The following CUL7 variants were observed in gnomAD, a reference collection of about 807,000 sequenced individuals.
The protein encoded by CUL7 is cullin-7.
A neutral mutation model predicts 177.7 loss-of-function variants in CUL7; 96 were observed. The ratio of observed to expected loss-of-function variants is 0.54; its 90% CI spans 0.46 to 0.64. CUL7 has a LOEUF of 0.64. Among genes scored for constraint, CUL7 ranks in the 30% least tolerant of loss-of-function variants. CUL7 has a pLI of 0.00. For missense variants in CUL7, 1,893 were observed against 2,187.9 expected (o/e 0.87, Z 2.69); for synonymous variants, 824 against 890.2 (o/e 0.93, Z 1.32).
At position 43,045,770 on chromosome 6, in the gene CUL7, TC is replaced by T; in HGVS notation, c.2767-89del. On this transcript the variant is annotated intron_variant, in intron 13 of 25. Coordinates refer to ENST00000265348, the MANE Select transcript of CUL7 (RefSeq NM_014780.5). This position sits in a 1 kb window ranked among gnomAD's most constrained non-coding sequence, Gnocchi z 4.8. ...CAGTCCCCTCACTGTTTCCCTCCCT[TC>T]CCCAGCCCTGGGATGTGTAGGGTCC... The T allele has an allele frequency of 7.0e-7, 1 of 1,438,742 alleles. No homozygotes were observed. 89.1% of individuals were successfully genotyped at this position (1,438,742 alleles called of 1,614,324 possible).
At chr6:43,047,222 G>A (rs1449524496) in intron 9 of CUL7, 115 bp from the exon 10 acceptor site, 27 of 723,804 alleles carry the variant, frequency 3.7e-5, no homozygotes, top group Non-Finnish European at 5.9e-5. Context: ...GGGTGCTACA[G>A]TGAGCAAGGC....
rs1490624618 is a variant in CUL7, at chr6:43,052,658, A to AT, written c.130dup (p.Ile44AsnfsTer7). 6.2e-7 allele frequency: 1 copy of AT among 1,614,062 alleles called. No individual in the cohort carries two copies. Among genetic ancestry groups the AT allele is most frequent in the African/African-American group, 1.3e-5 (1 of 74,928 alleles). ...GTCCCCCTCATCGCCACGCCGCAGG[A>AT]TGAGCCAACGGATCTGGTACTCAGG... On this transcript the variant is annotated frameshift_variant, in exon 2 of 26. Transcript: ENST00000265348. LOFTEE classifies it high-confidence loss of function. This position sits in a 1 kb window ranked among gnomAD's most constrained non-coding sequence, Gnocchi z 4.5.
rs200634785 is a variant in CUL7 at position 43,050,038 on chromosome 6, G to A, written c.1494C>T (p.Leu498=). 14 of 1,614,192 alleles carry A rather than the reference G, an allele frequency of 8.7e-6. No homozygotes were observed. In the East Asian group the frequency reaches 2.9e-4, roughly 33 times the overall value. The change falls in exon 6 of 26, where the codon CTC becomes CTT. Residue 498 remains leucine, a synonymous_variant. Coordinates refer to ENST00000265348, the MANE Select transcript of CUL7 (RefSeq NM_014780.5). The surrounding 1 kb of genome is among the most constrained non-coding windows in gnomAD (Gnocchi z 4.1). The stretch of plus-strand genomic sequence containing the variant: ...GTCCATCCAGCTTCTTGATGAAGAA[G>A]AGGAGTTCCCACCACTCAGCCAGGG... ...HLTLAEWWEL[L]FFIKKLDGPD... is the part of the protein sequence containing the mutation.
In CUL7 at chr6:43,042,854, T is replaced by C; in HGVS notation, c.3593A>G (p.Gln1198Arg). The change falls in exon 19 of 26, where the codon CAA (glutamine) becomes CGA (arginine). Residue 1198 changes from glutamine (Q) to arginine (R), a missense_variant. Physicochemically the swap from Gln to Arg is conservative, Grantham distance 43. Transcript: ENST00000265348. Reference protein sequence around the residue: ...GPRAAFLLALQNGCAGALLKL... With the variant: ...GPRAAFLLALRNGCAGALLKL... ...CAGCAAGGCTCCCGCACAGCCATTTTGCAGCGCCAGCAAGAAGGCTGCCCG... is the reference window on the plus strand; with the variant it reads ...CAGCAAGGCTCCCGCACAGCCATTTCGCAGCGCCAGCAAGAAGGCTGCCCG... The C allele has an allele frequency of 6.2e-7, 1 of 1,613,996 alleles. No individual in the cohort carries two copies. The highest frequency in any genetic ancestry group is 8.5e-7 in the Non-Finnish European group (1 of 1,179,908).
rs1404895748 is a variant in CUL7 at position 43,040,458 on chromosome 6, G to A, written c.4024-32C>T. On this transcript the variant is annotated intron_variant, in intron 21 of 25. Coordinates refer to ENST00000265348, the MANE Select transcript of CUL7 (RefSeq NM_014780.5). The surrounding 1 kb of genome is among the most constrained non-coding windows in gnomAD (Gnocchi z 4.2). The stretch of plus-strand genomic sequence containing the variant: ...GAGCACAGGGTTCCCAGATGCCATG[G>A]CCTCCTCCAGTCTGCTCCACGCCCC... 1 of 1,612,066 alleles carries A rather than the reference G, an allele frequency of 6.2e-7. No individual in the cohort carries two copies. The highest frequency in any genetic ancestry group is 8.5e-7 in the Non-Finnish European group (1 of 1,179,994).
rs1266161067 is a variant in CUL7 at position 43,052,434 on chromosome 6, G to T, written c.355C>A (p.Gln119Lys). 25 of 1,613,994 alleles carry T rather than the reference G, an allele frequency of 1.5e-5. No homozygotes were observed. Among genetic ancestry groups the T allele is most frequent in the Non-Finnish European group, 2.0e-5 (24 of 1,179,944 alleles). The change falls in exon 2 of 26, where the codon CAG (glutamine) becomes AAG (lysine). Residue 119 changes from glutamine to lysine, a missense_variant. Physicochemically the swap from Gln to Lys is moderately conservative, Grantham distance 53. Around this residue, in one of 5 missense-constraint regions of CUL7, gnomAD observed 653 missense variants for 725.2 expected, o/e 0.90. Transcript: ENST00000265348. This position sits in a 1 kb window ranked among gnomAD's most constrained non-coding sequence, Gnocchi z 4.5. The stretch of plus-strand genomic sequence containing the variant: ...TCCTCCAGCTGCCGAAGGGCTCTCT[G>T]AATGAGGGACTTCACGTCGGTTTCC... ...EMETDVKSLI[Q>K]RALRQLEECV...
rs371269108 is a variant in CUL7 at position 43,048,598 on chromosome 6, G to A, written c.1826-29C>T. On this transcript the variant is annotated intron_variant, in intron 7 of 25. Coordinates refer to ENST00000265348, the MANE Select transcript of CUL7 (RefSeq NM_014780.5). ...CAGGAAGGGGACAGTCACAGGAGTT[G>A]GCCATTGTTAGTAATGTGAAGGCTC... The A allele has an allele frequency of 1.2e-4, 181 of 1,512,104 alleles. 3 individuals are homozygous for A. The highest frequency in any genetic ancestry group is 1.2e-3 in the South Asian group (106 of 88,916). 93.7% of individuals were successfully genotyped at this position (1,512,104 alleles called of 1,614,324 possible). A position where few individuals can be genotyped will look rare whatever the true frequency, so the allele number is the denominator to read the frequency against.
rs1763136997 is a variant in CUL7 at position 43,038,440 on chromosome 6, G to A, written c.4600C>T (p.Pro1534Ser). 1.2e-6 allele frequency: 2 copies of A among 1,614,040 alleles called. No homozygotes were observed. The highest frequency in any genetic ancestry group is 1.7e-6 in the Non-Finnish European group (2 of 1,180,040). The change falls in exon 25 of 26, where the codon CCC (proline) becomes TCC (serine). Residue 1534 changes from proline (P) to serine (S), a missense_variant. By Grantham distance (74) the Pro-to-Ser change is moderately conservative. Coordinates refer to ENST00000265348, the MANE Select transcript of CUL7 (RefSeq NM_014780.5). ...CGCACAATGTCCCATCTCGACCTGG[G>A]TTCCTTGCTGCCATCTCGAATCTTG... ...VLKIRDGSKE[P>S]RSRWDIVRLI... is the part of the protein sequence containing the mutation.
chr6:43,052,152 C>A lies in CUL7; in HGVS notation c.580+57G>T, dbSNP rs543892410. The A allele has an allele frequency of 1.9e-6, 3 of 1,602,938 alleles. No homozygotes were observed. In the South Asian group the frequency reaches 3.3e-5, roughly 18 times the overall value. ...GCTCCTGCCACAGTGTCCTGTGAGT[C>A]CCTGAGCCGACCCAGCCCTTCTCCT... On this transcript the variant is annotated intron_variant, in intron 2 of 25. Transcript: ENST00000265348. This position sits in a 1 kb window ranked among gnomAD's most constrained non-coding sequence, Gnocchi z 4.5.
intron 15 of CUL7, 33 bp from the exon 16 acceptor site, chr6:43,044,918 G>A (rs1763762033): frequency 1.9e-6 from 3 of 1,606,628 alleles, no homozygotes; most frequent in Admixed American, 3.3e-5. Context: ...AAGGTGTCAG[G>A]GGCTTGAAGC....
rs1214070391 is a variant in CUL7 at position 43,038,259 on chromosome 6, C to T, written c.4773+8G>A. 2.5e-6 allele frequency: 4 copies of T among 1,614,058 alleles called. No individual in the cohort carries two copies. In the East Asian group the frequency reaches 6.7e-5, roughly 27 times the overall value. Reference sequence around the variant, plus strand: ...GATCTGTCACCCATTGTGCCCACCCCTGCCTACCAGACAGACAAGCTGGTC... The same window carrying T: ...GATCTGTCACCCATTGTGCCCACCCTTGCCTACCAGACAGACAAGCTGGTC... On this transcript the variant is annotated splice_region_variant and intron_variant, in intron 25 of 25. Transcript: ENST00000265348.
Position 43,051,820 on chromosome 6 carries a change from T to G in CUL7, c.581-57A>C. The G allele has an allele frequency of 6.3e-7, 1 of 1,586,050 alleles. No individual in the cohort carries two copies. The highest frequency in any genetic ancestry group is 8.7e-7 in the Non-Finnish European group (1 of 1,154,950). On this transcript the variant is annotated intron_variant, in intron 2 of 25. Coordinates refer to ENST00000265348, the MANE Select transcript of CUL7 (RefSeq NM_014780.5). This position sits in a 1 kb window ranked among gnomAD's most constrained non-coding sequence, Gnocchi z 5.0. ...CCTAATCTCACCCTTCCTAGAAATC[T>G]TAGACCCTCTACTCTTTCAATCCAA...
In CUL7 at chr6:43,053,704, GC is replaced by G; in HGVS notation, c.-92del. The G allele has an allele frequency of 7.0e-7, 1 of 1,422,482 alleles. No homozygotes were observed. The highest frequency in any genetic ancestry group is 9.1e-7 in the Non-Finnish European group (1 of 1,093,466). The allele number at this position is 1,422,482 out of a possible 1,614,324, so 88.1% of individuals were successfully genotyped here. A position where few individuals can be genotyped will look rare whatever the true frequency, so the allele number is the denominator to read the frequency against. On this transcript the variant is annotated 5_prime_UTR_variant, in exon 1 of 26. Coordinates refer to ENST00000265348, the MANE Select transcript of CUL7 (RefSeq NM_014780.5). This position sits in a 1 kb window ranked among gnomAD's most constrained non-coding sequence, Gnocchi z 4.1. ...GGCACAGACGCTGGCGGCGACTTGGGCCCCACCTGGGCCCCGCGAGGGGGTC... is the reference window on the plus strand; with the variant it reads ...GGCACAGACGCTGGCGGCGACTTGGGCCCACCTGGGCCCCGCGAGGGGGTC...
At position 43,046,376 on chromosome 6, in the gene CUL7, G is replaced by C; in HGVS notation, c.2520C>G (p.Cys840Trp). Residue 840 changes from cysteine (C) to tryptophan (W), a missense_variant, in exon 12 of 26, where the codon TGC becomes TGG. Physicochemically the swap from Cys to Trp is radical, Grantham distance 215. Around this residue, in one of 5 missense-constraint regions of CUL7, gnomAD observed 973 missense variants for 1,140.9 expected, o/e 0.85. Coordinates refer to ENST00000265348, the MANE Select transcript of CUL7 (RefSeq NM_014780.5). ...GSSVEVKEDK[C>W]WEKVEVSSNP... ...TGGAGGACACCTCCACCTTCTCCCA[G>C]CACTTGTCCTCCTTCACTTCCACAC... is the stretch of plus-strand genomic sequence containing the variant. 6.2e-7 allele frequency: 1 copy of C among 1,614,222 alleles called. No individual in the cohort carries two copies. Among genetic ancestry groups the C allele is most frequent in the Non-Finnish European group, 8.5e-7 (1 of 1,180,034 alleles).
Position 43,046,158 on chromosome 6 carries a change from G to A in CUL7, c.2661-67C>T, listed in dbSNP as rs1178338078. 8.7e-6 allele frequency: 14 copies of A among 1,612,572 alleles called. No homozygotes were observed. In the Admixed American group the frequency reaches 1.2e-4, roughly 13 times the overall value. On this transcript the variant is annotated intron_variant, in intron 12 of 25. Coordinates refer to ENST00000265348, the MANE Select transcript of CUL7 (RefSeq NM_014780.5). ...GGCCCATGGCCAAGTCCAGGGGGTGGTGCTTCCCCCAAAACAAACACAGGG... is the reference window on the plus strand; with the variant it reads ...GGCCCATGGCCAAGTCCAGGGGGTGATGCTTCCCCCAAAACAAACACAGGG...
At chr6:43,048,002 A>T (rs1043859713) in intron 9 of CUL7, 146 bp downstream of exon 9, 1 of 628,958 alleles carries the variant, frequency 1.6e-6, no homozygotes, top group Non-Finnish European at 2.9e-6. Context: ...ATTTAAAAAA[A>T]ATAAAATTCA....
rs201406974 is a variant in CUL7 at position 43,046,304 on chromosome 6, A to G, written c.2592T>C (p.Tyr864=). Residue 864 remains tyrosine, a synonymous_variant, in exon 12 of 26, where the codon TAT becomes TAC. Transcript: ENST00000265348. ...SKLTDHNPKT[Y]WESNGSAGSH... ...AGCCGGCGCTGCCGTTGGACTCCCA[A>G]TAGGTCTTGGGGTTGTGGTCCGTCA... 136 of 1,614,196 alleles carry G rather than the reference A, an allele frequency of 8.4e-5. No individual in the cohort carries two copies. The East Asian group carries it at 2.2e-3, about 26-fold the overall frequency.
chr6:43,053,803 G>C lies in CUL7; in HGVS notation c.-190C>G, dbSNP rs1314426496. The C allele has an allele frequency of 6.5e-7, 1 of 1,532,610 alleles. No individual in the cohort carries two copies. Among genetic ancestry groups the C allele is most frequent in the Non-Finnish European group, 8.7e-7 (1 of 1,146,072 alleles). 94.9% of individuals were successfully genotyped at this position (1,532,610 alleles called of 1,614,324 possible). On this transcript the variant is annotated 5_prime_UTR_variant, in exon 1 of 26. Coordinates refer to ENST00000265348, the MANE Select transcript of CUL7 (RefSeq NM_014780.5). The surrounding 1 kb of genome is among the most constrained non-coding windows in gnomAD (Gnocchi z 4.1). ...CCCGCGTGAGTCGGCAGCCACTGGGGCAGGGTGGGGCCCGGTCCCTGCCAG... is the reference window on the plus strand; with the variant it reads ...CCCGCGTGAGTCGGCAGCCACTGGGCCAGGGTGGGGCCCGGTCCCTGCCAG...
At chr6:43,048,048 G>C (rs1764062326) in intron 9 of CUL7, 100 bp downstream of exon 9, 1 of 725,068 alleles carries the variant, frequency 1.4e-6, no homozygotes, top group African/African-American at 1.8e-5. Flanking sequence ...GAGCTCAAAG[G>C]CTCTATCACG....
Sources: gnomAD v4.1 joint callset for allele counts on GRCh38, gnomAD v4.1.1 for gene constraint, gnomAD v4.1.1 regional missense constraint, Gnocchi (gnomAD v3.1) non-coding constraint, MANE v1.5 for transcripts, NCBI Gene and HGNC (gene_info 2026-07-23, HGNC 2026-07-21) for gene names.